The following SLC25A37 variants were observed in gnomAD, a reference collection of about 807,000 sequenced individuals.
The protein encoded by SLC25A37 is solute carrier family 25 member 37.
A neutral mutation model predicts 31.0 loss-of-function variants in SLC25A37; 17 were observed. That is an observed-to-expected ratio of 0.55 (90% CI 0.38 to 0.82). SLC25A37 has a LOEUF of 0.82. SLC25A37 is among the 40% of genes least tolerant of loss of function. The pLI is 0.00. For synonymous variants in SLC25A37, 222 were observed against 193.0 expected (o/e 1.15, Z -1.24); for missense variants, 404 against 465.8 (o/e 0.87, Z 1.22).
intron 1 of SLC25A37, among the ~76,000 whole-genome samples, chr8:23,560,096 G>A (rs1416652736): frequency 1.4e-4 from 22 of 152,160 alleles, no homozygotes; most frequent in Non-Finnish European, 4.4e-5. Flanking sequence ...GAGCAACATA[G>A]TAAGACCCAG....
intron 2 of SLC25A37, 25 bp from the exon 3 acceptor site, chr8:23,568,297 T>A: frequency 6.2e-6 from 10 of 1,613,492 alleles, no homozygotes; most frequent in Non-Finnish European, 8.5e-6. Context: ...TCGCAGAGGG[T>A]AATTTTCTGG....
At chr8:23,547,165 A>G (rs779206634) in intron 1 of SLC25A37, among the ~76,000 whole-genome samples, 2 of 152,220 alleles carry the variant, frequency 1.3e-5, no homozygotes, top group African/African-American at 4.8e-5. Flanking sequence ...CTTCTACCAG[A>G]AGTGAGTGAT....
intron 1 of SLC25A37, among the ~76,000 whole-genome samples, chr8:23,533,135 A>C (rs946820428): frequency 6.6e-6 from 1 of 152,178 alleles, no homozygotes; most frequent in African/African-American, 2.4e-5. Context: ...TGTGAGCTGC[A>C]GTCCTGTTCC....
intron 1 of SLC25A37, among the ~76,000 whole-genome samples, chr8:23,536,933 C>T (rs989379081): frequency 3.3e-5 from 5 of 152,180 alleles, no homozygotes; most frequent in African/African-American, 9.6e-5. Flanking sequence ...CAGTGGCTCA[C>T]GCCTGTAATC....
intron 3 of SLC25A37, 61 bp downstream of exon 3, chr8:23,568,439 G>A: frequency 6.3e-7 from 1 of 1,598,930 alleles, no homozygotes; most frequent in Non-Finnish European, 8.6e-7. Context: ...ACAAAAAATG[G>A]TTGTGGGAGA....
chr8:23,541,483 A>C (rs1248505024), intron 1 of SLC25A37: 1 of 152,258 alleles, frequency 6.6e-6, no homozygotes, highest in Non-Finnish European at 1.5e-5. Flanking sequence ...GCTTAAGAGG[A>C]GAAGGAGGTA....
intron 1 of SLC25A37, chr8:23,543,037 A>G (rs1264440877): frequency 6.6e-6 from 1 of 152,122 alleles, no homozygotes; most frequent in Admixed American, 6.6e-5. Flanking sequence ...AAACAAAAAC[A>G]TTACAGTAAG....
At chr8:23,547,621 G>A (rs1227157055) in intron 1 of SLC25A37, among the ~76,000 whole-genome samples, 1 of 152,166 alleles carries the variant, frequency 6.6e-6, no homozygotes, top group Non-Finnish European at 1.5e-5. Flanking sequence ...AAGCACTTTT[G>A]CTTTGCAGCG....
chr8:23,563,260 C>T (rs1802563780), intron 1 of SLC25A37, among the ~76,000 whole-genome samples: 2 of 152,184 alleles, frequency 1.3e-5, no homozygotes, highest in Non-Finnish European at 2.9e-5. Flanking sequence ...AAACATAGCT[C>T]ACTGCAGCCT....
intron 1 of SLC25A37, among the ~76,000 whole-genome samples, chr8:23,536,123 A>G (rs1801763050): frequency 2.0e-5 from 3 of 152,008 alleles, no homozygotes; most frequent in Admixed American, 2.0e-4. Flanking sequence ...CTCTTGAGTG[A>G]CTCGGTTCCA....
chr8:23,560,162 G>C (rs1052185233), intron 1 of SLC25A37, among the ~76,000 whole-genome samples: 1 of 152,226 alleles, frequency 6.6e-6, no homozygotes, highest in Non-Finnish European at 1.5e-5. Flanking sequence ...GAGCTACTCA[G>C]GAGGCTGAGG....
intron 1 of SLC25A37, among the ~76,000 whole-genome samples, chr8:23,545,174 GCGACAAC>G (rs1419140103): frequency 5.3e-5 from 8 of 152,184 alleles, no homozygotes; most frequent in Admixed American, 2.0e-4. Context: ...GATGGTGTAG[GCGACAAC>G]TGTGCCTTCC....
chr8:23,539,342 A>C (rs1350374599), intron 1 of SLC25A37, among the ~76,000 whole-genome samples: 1 of 152,026 alleles, frequency 6.6e-6, no homozygotes, highest in Non-Finnish European at 1.5e-5. Flanking sequence ...AGCCACTTGG[A>C]AGGCTCTGGG....
intron 1 of SLC25A37, among the ~76,000 whole-genome samples, chr8:23,546,639 G>C (rs1802074282): frequency 7.1e-6 from 1 of 141,568 alleles, no homozygotes; most frequent in Non-Finnish European, 1.5e-5. Context: ...TATATATTTG[G>C]GCCAGGAAGG....
chr8:23,540,316 G>A (rs1801862722), intron 1 of SLC25A37, among the ~76,000 whole-genome samples: 1 of 152,214 alleles, frequency 6.6e-6, no homozygotes, highest in African/African-American at 2.4e-5. Flanking sequence ...AGACTCAGAT[G>A]TTAATGGCAG....
chr8:23,566,336 G>A lies in SLC25A37; in HGVS notation c.439G>A (p.Gly147Arg), dbSNP rs750922980. 6 of 1,596,746 alleles carry A rather than the reference G, an allele frequency of 3.8e-6. No homozygotes were observed. The Admixed American group carries it at 5.4e-5, about 14-fold the overall frequency. ...HHQGNSHLAN[G>R]IAGSMATLLH... ...CCAAGGAAACAGCCACCTAGCCAAC[G>A]GTATTTTGAAAGCGTTTGTCTGGAG... The change falls in exon 2 of 4, where the codon GGG (glycine) becomes AGG (arginine). Residue 147 changes from glycine (G) to arginine (R), a missense_variant and splice_region_variant. Coordinates refer to ENST00000519973, the MANE Select transcript of SLC25A37 (RefSeq NM_016612.4).
At chr8:23,567,942 C>A in intron 2 of SLC25A37, 1 of 286,258 alleles carries the variant, frequency 3.5e-6, no homozygotes, top group East Asian at 7.9e-5. Flanking sequence ...AGCTTAAGGG[C>A]AAAGTGAGTT....
At chr8:23,544,636 C>T (rs956864045) in intron 1 of SLC25A37, among the ~76,000 whole-genome samples, 2 of 152,182 alleles carry the variant, frequency 1.3e-5, no homozygotes, top group Admixed American at 6.5e-5. Flanking sequence ...AGGAATATCT[C>T]AGTATCTCTA....
chr8:23,560,320 G>C (rs73555585), intron 1 of SLC25A37, among the ~76,000 whole-genome samples: 136 of 152,294 alleles, frequency 8.9e-4, no homozygotes, highest in African/African-American at 3.2e-3. Flanking sequence ...TTGTCTCTCT[G>C]GCTGTGGCCA....
Sources: gnomAD v4.1 joint callset for allele counts (sites outside exome capture counted in the v4.1 genomes callset) on GRCh38, gnomAD v4.1.1 for gene constraint, MANE v1.5 for transcripts, NCBI Gene and HGNC (gene_info 2026-07-23, HGNC 2026-07-21) for gene names.